SH3D21: variants seen among roughly 807,000 people sequenced by gnomAD.
SH3D21 encodes the protein manchette microtubule inner protein 1, also known as SH3 domain-containing protein 21.
In SH3D21, 83 loss-of-function variants were observed where a neutral mutation model predicts 82.1. That is an observed-to-expected ratio of 1.01 (90% CI 0.85 to 1.21). SH3D21 has a LOEUF of 1.21. Ranked by LOEUF, SH3D21 falls within the 50% of genes most tolerant of loss-of-function variation. The pLI, the probability that SH3D21 is intolerant of heterozygous loss-of-function variation, is 0.00. For synonymous variants in SH3D21, 383 were observed against 387.8 expected (o/e 0.99, Z 0.15); for missense variants, 980 against 962.1 (o/e 1.02, Z -0.25).
rs563945139 is a variant in SH3D21 at position 36,317,625 on chromosome 1, C to T, written c.770-1446C>T. ...TCGCCCAGGCTGGAGTCCAGTGGCG[C>T]GATCTTGGCTCACTGTAACCTCTGC... On this transcript the variant is annotated intron_variant, in intron 10 of 15. Transcript: ENST00000453908. Among the ~76,000 whole-genome samples the T allele has an allele frequency of 2.1e-4, 32 of 152,238 alleles. No homozygotes were observed. In the South Asian group the frequency reaches 2.5e-3, roughly 12 times the overall value.
intron 13 of SH3D21, 63 bp from the exon 14 acceptor site, chr1:36,319,612 G>C: frequency 1.3e-6 from 2 of 1,550,384 alleles, no homozygotes; most frequent in South Asian, 2.4e-5. Context: ...CACGGGTGAA[G>C]TCTCCCAGGC....
Position 36,320,997 on chromosome 1 carries a change from CG to C in SH3D21, c.2199+22del. 6.4e-7 allele frequency: 1 copy of C among 1,572,194 alleles called. No homozygotes were observed. Among genetic ancestry groups the C allele is most frequent in the Non-Finnish European group, 8.6e-7 (1 of 1,159,534 alleles). On this transcript the variant is annotated intron_variant, in intron 15 of 15. Coordinates refer to ENST00000453908, the MANE Select transcript of SH3D21 (RefSeq NM_001162530.2). ...GCTGGAGGTGAGGCGCGGGTCCCGG[CG>C]GGAGGGGGCTGACGGCGAGTGGCCC...
intron 10 of SH3D21, among the ~76,000 whole-genome samples, chr1:36,315,823 G>A (rs548145761): frequency 6.6e-6 from 1 of 152,260 alleles, no homozygotes; most frequent in African/African-American, 2.4e-5. Flanking sequence ...CTAGCCTTTT[G>A]GCTCTGTTTA....
chr1:36,321,464 G>A, downstream of SH3D21: 2 of 1,046,608 alleles, frequency 1.9e-6, no homozygotes, highest in Non-Finnish European at 2.4e-6. This position sits in a 1 kb window ranked among gnomAD's most constrained non-coding sequence, Gnocchi z 6.1. Context: ...CCCAGGCGGG[G>A]TCGGGCTCTT....
chr1:36,313,436 T>G (rs1646279422), intron 10 of SH3D21, among the ~76,000 whole-genome samples: 1 of 152,186 alleles, frequency 6.6e-6, no homozygotes, highest in Non-Finnish European at 1.5e-5. Context: ...ATTATGGGAT[T>G]ATTTTAAACA....
At chr1:36,317,107 A>G (rs1646358419) in intron 10 of SH3D21, among the ~76,000 whole-genome samples, 1 of 152,218 alleles carries the variant, frequency 6.6e-6, no homozygotes, top group Admixed American at 6.5e-5. Flanking sequence ...TACTGTAAGA[A>G]TGTAAGAAGT....
At chr1:36,327,789 A>G, downstream of SH3D21, 1 of 1,265,892 alleles carries the variant, frequency 7.9e-7, no homozygotes, top group African/African-American at 1.5e-5. Context: ...TTTGAGAAGC[A>G]CTGCTCCTGG....
rs35343437 is a variant in SH3D21, at chr1:36,307,804, T to G, written c.471T>G (p.Pro157=). The G allele has an allele frequency of 0.48, 747,469 of 1,551,308 alleles. 187,275 individuals carry two copies. The highest frequency in any genetic ancestry group is 0.74 in the East Asian group (30,279 of 40,892). The change falls in exon 6 of 16, where the codon CCT becomes CCG. Residue 157 remains proline, a synonymous_variant. Transcript: ENST00000453908. The surrounding 1 kb of genome is among the most constrained non-coding windows in gnomAD (Gnocchi z 5.4). ...LGNPDMPSVS[P]GPQRPPKLSS... is the part of the protein sequence containing the mutation. ...ACCCAGACATGCCTTCAGTCAGCCCTGGTCCCCAGCGGCCTCCCAAGGTAA... is the reference window on the plus strand; with the variant it reads ...ACCCAGACATGCCTTCAGTCAGCCCGGGTCCCCAGCGGCCTCCCAAGGTAA...
rs1570404079 is a variant in SH3D21, at chr1:36,320,352, G to A, written c.1689G>A (p.Gln563=). ...TLVRGDSSPR[Q]AELKSGPASR... ...TTAGAGGGGACAGCTCCCCACGCCA[G>A]GCTGAGTTGAAGTCTGGGCCAGCAT... The change falls in exon 14 of 16, where the codon CAG becomes CAA. Residue 563 remains glutamine (Q), a synonymous_variant. Coordinates refer to ENST00000453908, the MANE Select transcript of SH3D21 (RefSeq NM_001162530.2). 6.2e-7 allele frequency: 1 copy of A among 1,613,470 alleles called. No individual in the cohort carries two copies. Among genetic ancestry groups the A allele is most frequent in the East Asian group, 2.2e-5 (1 of 44,868 alleles).
chr1:36,319,276 A>G lies in SH3D21; in HGVS notation c.880A>G (p.Ser294Gly), dbSNP rs1316382434. Residue 294 changes from serine to glycine, a missense_variant, in exon 12 of 16, where the codon AGC becomes GGC. Transcript: ENST00000453908. ...ATGTTCCAGGACATCTCGGACACCC[A>G]GCAGGGACAGTCAGAAGCTCACCTC... is the stretch of plus-strand genomic sequence containing the variant. ...PSKAKTSRTP[S>G]RDSQKLTSRD... The G allele has an allele frequency of 1.3e-6, 2 of 1,551,680 alleles. No individual in the cohort carries two copies. Among genetic ancestry groups the G allele is most frequent in the Admixed American group, 3.9e-5 (2 of 50,996 alleles).
intron 10 of SH3D21, among the ~76,000 whole-genome samples, chr1:36,313,765 A>G (rs897445009): frequency 2.0e-5 from 3 of 151,494 alleles, no homozygotes; most frequent in Admixed American, 6.6e-5. Context: ...AGGTCTTGCT[A>G]TGTTGCCCAG....
At chr1:36,313,280 C>T (rs1236770121) in intron 10 of SH3D21, among the ~76,000 whole-genome samples, 5 of 151,702 alleles carry the variant, frequency 3.3e-5, no homozygotes, top group Non-Finnish European at 4.4e-5. Flanking sequence ...GAGCCGAGAT[C>T]GCGTCACTGC....
chr1:36,319,562 T>G, intron 13 of SH3D21, 26 bp downstream of exon 13: 1 of 1,550,618 alleles, frequency 6.4e-7, no homozygotes. Context: ...CATGGGAGAG[T>G]GGGGATGCTG....
chr1:36,307,808 C>A lies in SH3D21; in HGVS notation c.475C>A (p.Pro159Thr). Residue 159 changes from proline to threonine, a missense_variant, in exon 6 of 16, where the codon CCC (proline) becomes ACC (threonine). Pro to Thr is a conservative substitution (Grantham distance 38, BLOSUM62 -1). Coordinates refer to ENST00000453908, the MANE Select transcript of SH3D21 (RefSeq NM_001162530.2). This position sits in a 1 kb window ranked among gnomAD's most constrained non-coding sequence, Gnocchi z 5.4. ...AGACATGCCTTCAGTCAGCCCTGGT[C>A]CCCAGCGGCCTCCCAAGGTAAGTTG... ...NPDMPSVSPG[P>T]QRPPKLSSLA... The A allele has an allele frequency of 4.5e-6, 7 of 1,551,748 alleles. No individual in the cohort carries two copies. The highest frequency in any genetic ancestry group is 5.2e-6 in the Non-Finnish European group (6 of 1,146,960).
rs1310222624 is a variant in SH3D21 at position 36,320,587 on chromosome 1, C to A, written c.1924C>A (p.Pro642Thr). The change falls in exon 14 of 16, where the codon CCA (proline) becomes ACA (threonine). Residue 642 changes from proline (P) to threonine (T), a missense_variant. Physicochemically the swap from Pro to Thr is conservative, Grantham distance 38. Coordinates refer to ENST00000453908, the MANE Select transcript of SH3D21 (RefSeq NM_001162530.2). ...EELPPKEEVA[P>T]KEEVPPIERA... ...ATTGCCCCCTAAAGAGGAAGTGGCT[C>A]CAAAAGAGGAGGTGCCCCCCATAGA... The A allele has an allele frequency of 3.1e-6, 5 of 1,614,218 alleles. No homozygotes were observed. The Admixed American group carries it at 8.3e-5, about 27-fold the overall frequency.
At chr1:36,322,974 G>C (rs748202520), downstream of SH3D21, 1 of 1,606,780 alleles carries the variant, frequency 6.2e-7, no homozygotes, top group South Asian at 1.1e-5. Context: ...CCCTCACCGC[G>C]GATGTGCGCG....
intron 10 of SH3D21, among the ~76,000 whole-genome samples, chr1:36,318,032 G>A (rs1646373344): frequency 6.6e-6 from 1 of 152,242 alleles, no homozygotes; most frequent in Non-Finnish European, 1.5e-5. Flanking sequence ...GTTGGAGGCT[G>A]TTGGAATGTC....
chr1:36,315,206 G>A (rs992815517), intron 10 of SH3D21, among the ~76,000 whole-genome samples: 5 of 151,978 alleles, frequency 3.3e-5, no homozygotes, highest in African/African-American at 1.2e-4. Context: ...AACCTGTGAG[G>A]TGGAGGTTGT....
chr1:36,326,401 T>C (rs905794645), downstream of SH3D21, among the ~76,000 whole-genome samples: 1 of 151,990 alleles, frequency 6.6e-6, no homozygotes, highest in Non-Finnish European at 1.5e-5. Context: ...CCTGCTAATT[T>C]TGTATTTTTA....
Sources: gnomAD v4.1 joint callset for allele counts (sites outside exome capture counted in the v4.1 genomes callset) on GRCh38, gnomAD v4.1.1 for gene constraint, Gnocchi (gnomAD v3.1) non-coding constraint, MANE v1.5 for transcripts, NCBI Gene and HGNC (gene_info 2026-07-23, HGNC 2026-07-21) for gene names.